MTMR8: variants seen among roughly 807,000 people sequenced by gnomAD.
The protein encoded by MTMR8 is phosphatidylinositol-3,5-bisphosphate 3-phosphatase MTMR8.
A neutral mutation model predicts 39.3 loss-of-function variants in MTMR8; 65 were observed. The observed-to-expected ratio is 1.65, with a 90% CI of 1.35 to 2.03. The LOEUF (loss-of-function observed/expected upper bound fraction) is 2.03. Among genes scored for constraint, MTMR8 ranks in the 30% most tolerant of loss-of-function variants. MTMR8 has a pLI of 0.00. For missense variants in MTMR8, 777 were observed against 538.9 expected (o/e 1.44, Z -4.37); for synonymous variants, 245 against 185.2 (o/e 1.32, Z -2.62).
intron 2 of MTMR8, 98 bp from the exon 3 acceptor site, chrX:64,356,436 G>C: frequency 1.3e-6 from 1 of 768,240 alleles, no homozygotes; most frequent in Non-Finnish European, 1.9e-6. Context: ...AGCATGACCA[G>C]ATCTGTAGGC....
chrX:64,364,092 G>A (rs991789667), intron 1 of MTMR8, among the ~76,000 whole-genome samples: 17 of 112,399 alleles, frequency 1.5e-4, no homozygotes, highest in African/African-American at 4.2e-4. Flanking sequence ...CAGGAAGCTC[G>A]AACTGGGCAG....
intron 12 of MTMR8, among the ~76,000 whole-genome samples, chrX:64,282,485 T>A (rs1921000770): frequency 1.8e-5 from 2 of 110,521 alleles, no homozygotes; most frequent in South Asian, 3.8e-4. Flanking sequence ...TGTACATGTA[T>A]CCTGGAACCT....
chrX:64,359,922 G>GAAAAAAAAAAAAAAAAAGAAAAAAAAAA (rs202232811), intron 1 of MTMR8, among the ~76,000 whole-genome samples: 1 of 43,069 alleles, frequency 2.3e-5, no homozygotes, highest in African/African-American at 5.6e-5. Context: ...GGCAAGAATA[G>GAAAAAAAAAAAAAAAAAGAAAAAAAAAA]AAAAAAAAAA....
chrX:64,312,988 C>T (rs771879566), intron 12 of MTMR8, among the ~76,000 whole-genome samples: 2 of 112,207 alleles, frequency 1.8e-5, no homozygotes, highest in Non-Finnish European at 3.8e-5. Flanking sequence ...TTATAGAGCA[C>T]AGGCAGAATA....
intron 9 of MTMR8, among the ~76,000 whole-genome samples, chrX:64,336,365 T>C (rs1923073008): frequency 9.0e-6 from 1 of 111,167 alleles, no homozygotes; most frequent in African/African-American, 3.3e-5. Flanking sequence ...GGCTTTCACA[T>C]GTGTGACAAG....
intron 12 of MTMR8, among the ~76,000 whole-genome samples, chrX:64,314,135 T>G (rs1922393750): frequency 8.9e-6 from 1 of 112,638 alleles, no homozygotes; most frequent in African/African-American, 3.2e-5. Context: ...CTTGAAATTA[T>G]GAACCTGCTG....
In MTMR8 at chrX:64,368,137, C is replaced by T. The variant is rs190575142; in HGVS notation, c.25-8610G>A. Reference sequence around the variant, plus strand: ...CAAACAAATGGAAGAACATTCCATGCTCATGGGTAGGAAGAATCAATATCG... The same window carrying T: ...CAAACAAATGGAAGAACATTCCATGTTCATGGGTAGGAAGAATCAATATCG... On this transcript the variant is annotated intron_variant, in intron 1 of 13. Transcript: ENST00000374852. 2.2e-3 allele frequency among the ~76,000 whole-genome samples: 242 copies of T among 111,720 alleles called. 4 individuals are homozygous for T. In the Middle Eastern group the frequency reaches 0.038, roughly 17 times the overall value.
At chrX:64,314,988 A>T (rs1251327784) in intron 12 of MTMR8, among the ~76,000 whole-genome samples, 1 of 111,251 alleles carries the variant, frequency 9.0e-6, no homozygotes, top group Non-Finnish European at 1.9e-5. Flanking sequence ...GATGGACAAG[A>T]CCACCCTGCA....
chrX:64,321,558 G>C (rs1922646244), intron 12 of MTMR8, among the ~76,000 whole-genome samples: 2 of 111,815 alleles, frequency 1.8e-5, no homozygotes, highest in South Asian at 7.4e-4. Context: ...AAAGAAAAAT[G>C]ATGAAAAGAG....
intron 12 of MTMR8, among the ~76,000 whole-genome samples, chrX:64,290,820 T>C (rs1921368640): frequency 8.9e-6 from 1 of 112,392 alleles, no homozygotes; most frequent in African/African-American, 3.2e-5. Flanking sequence ...CAGTATTCCA[T>C]GGTACAGATG....
chrX:64,287,568 C>A (rs1375863821), intron 12 of MTMR8, among the ~76,000 whole-genome samples: 1 of 111,059 alleles, frequency 9.0e-6, no homozygotes, highest in South Asian at 3.8e-4. Flanking sequence ...TCAAACTGTA[C>A]TACAAGGCTA....
chrX:64,277,042 A>G (rs2147127784), intron 12 of MTMR8, among the ~76,000 whole-genome samples: 1 of 111,596 alleles, frequency 9.0e-6, no homozygotes, highest in Admixed American at 9.5e-5. Flanking sequence ...GTTGGTTTAA[A>G]GTCTGTTTTA....
Position 64,356,273 on chromosome X carries a change from G to GCCCTGCTA in MTMR8, c.212_213insTAGCAGGG (p.Leu72SerfsTer16). The GCCCTGCTA allele has an allele frequency of 8.3e-7, 1 of 1,209,772 alleles. No homozygotes were observed. Reference sequence around the variant, plus strand: ...CCACCCGGAAATTCTTGCAGCGGAGGGTCAGGGGACAACCCAGGCTAGTGA... The same window carrying GCCCTGCTA: ...CCACCCGGAAATTCTTGCAGCGGAGGCCCTGCTAGTCAGGGGACAACCCAGGCTAGTGA... On this transcript the variant is annotated frameshift_variant, in exon 3 of 14. Coordinates refer to ENST00000374852, the MANE Select transcript of MTMR8 (RefSeq NM_017677.4). LOFTEE classifies it high-confidence loss of function.
intron 12 of MTMR8, among the ~76,000 whole-genome samples, chrX:64,313,169 G>C (rs1339774971): frequency 8.9e-6 from 1 of 112,356 alleles, no homozygotes; most frequent in Non-Finnish European, 1.9e-5. Flanking sequence ...CTAGGTAGCA[G>C]CTTCTTCCAA....
At chrX:64,287,918 T>C (rs1484821959) in intron 12 of MTMR8, among the ~76,000 whole-genome samples, 1 of 100,948 alleles carries the variant, frequency 9.9e-6, no homozygotes, top group African/African-American at 3.6e-5. Context: ...AAGGACTTGA[T>C]GTCTAAAACA....
At chrX:64,350,222 G>A (rs1602142336) in intron 4 of MTMR8, 152 bp from the exon 5 acceptor site, 1 of 229,569 alleles carries the variant, frequency 4.4e-6, no homozygotes, top group Admixed American at 7.9e-5. Context: ...CACCTAAAAT[G>A]TCAACACCTC....
chrX:64,318,342 T>C (rs1259001495), intron 12 of MTMR8, among the ~76,000 whole-genome samples: 3 of 112,220 alleles, frequency 2.7e-5, no homozygotes, highest in Non-Finnish European at 5.6e-5. Flanking sequence ...GTATTTGACA[T>C]AGAGCAGTTA....
At position 64,289,634 on chromosome X, in the gene MTMR8, C is replaced by T. The variant is rs771988101; in HGVS notation, c.1482-18561G>A. Among the ~76,000 whole-genome samples the T allele has an allele frequency of 0.013, 519 of 40,804 alleles. 11 individuals are homozygous for T. The African/African-American group carries it at 0.19, about 15-fold the overall frequency. 35.4% of individuals were successfully genotyped at this position (40,804 alleles called of 115,157 possible). A position where few individuals can be genotyped will look rare whatever the true frequency, so the allele number is the denominator to read the frequency against. On this transcript the variant is annotated intron_variant, in intron 12 of 13. Transcript: ENST00000374852. ...CCTGGGTGACAGAGTGAGACTCCAT[C>T]GCAAAAAAAAAAAAAAAAAAAAAAA...
chrX:64,392,953 GA>G (rs762972275), intron 1 of MTMR8, among the ~76,000 whole-genome samples: 28 of 111,339 alleles, frequency 2.5e-4, no homozygotes, highest in African/African-American at 8.8e-4. Flanking sequence ...TAGAAACTGA[GA>G]AAAAAACAGA....
Sources: gnomAD v4.1 joint callset for allele counts (sites outside exome capture counted in the v4.1 genomes callset) on GRCh38, gnomAD v4.1.1 for gene constraint, MANE v1.5 for transcripts, NCBI Gene and HGNC (gene_info 2026-07-23, HGNC 2026-07-21) for gene names.